The following DENND4C variants were observed in gnomAD, a reference collection of about 807,000 sequenced individuals.
DENND4C encodes DENN domain containing 4C, also known as DENN domain-containing protein 4C.
In DENND4C, 108 loss-of-function variants were observed where a neutral mutation model predicts 203.0. The observed-to-expected ratio is 0.53, with a 90% CI of 0.46 to 0.62. The LOEUF (loss-of-function observed/expected upper bound fraction) is 0.62. Ranked by LOEUF, DENND4C falls within the 20% of genes least tolerant of loss-of-function variation. DENND4C has a pLI of 0.00. For missense variants in DENND4C, 2,481 were observed against 2,301.2 expected, an observed-to-expected ratio of 1.08 and a Z score of -1.60; for synonymous variants, 871 against 792.4, an observed-to-expected ratio of 1.10 and a Z score of -1.67.
In DENND4C at chr9:19,346,818, C is replaced by G. The variant is rs1823005232; in HGVS notation, c.4049C>G (p.Ser1350Cys). 6.2e-7 allele frequency: 1 copy of G among 1,614,198 alleles called. No individual in the cohort carries two copies. The highest frequency in any genetic ancestry group is 8.5e-7 in the Non-Finnish European group (1 of 1,180,042). ...PESEKSSPAVSRSKTFTGRFK... is the reference protein window; with the variant it reads ...PESEKSSPAVCRSKTFTGRFK... ...AGTGAAAAGAGCTCACCTGCAGTGT[C>G]CAGGTCTAAAACTTTTACTGGGCGT... The change falls in exon 23 of 33, where the codon TCC becomes TGC. Residue 1350 changes from serine to cysteine, a missense_variant. Physicochemically the swap from Ser to Cys is moderately radical, Grantham distance 112. Transcript: ENST00000434457.
In DENND4C at chr9:19,372,025, A is replaced by C. The variant is rs1477225444; in HGVS notation, c.5741-12A>C. ...AACAAATTACAACTTCATTTTTGAA[A>C]ATTTCTTTCAGAGGCATTTGACAAT... On this transcript the variant is annotated splice_polypyrimidine_tract_variant and intron_variant, in intron 32 of 32. Transcript: ENST00000434457. 6.3e-6 allele frequency: 10 copies of C among 1,596,478 alleles called. No homozygotes were observed. The South Asian group carries it at 1.1e-4, about 18-fold the overall frequency.
chr9:19,242,230 T>G (rs568093551), intron 1 of DENND4C, among the ~76,000 whole-genome samples: 2 of 152,356 alleles, frequency 1.3e-5, no homozygotes, highest in African/African-American at 4.8e-5. Flanking sequence ...TTAAGGGTCC[T>G]TTACATCATT....
intron 10 of DENND4C, among the ~76,000 whole-genome samples, chr9:19,312,584 C>T (rs2131492155): frequency 6.6e-6 from 1 of 152,276 alleles, no homozygotes; most frequent in Non-Finnish European, 1.5e-5. Context: ...GGGAGCTGAG[C>T]AGACATGGAA....
chr9:19,290,890 T>G lies in DENND4C; in HGVS notation c.801+14T>G. On this transcript the variant is annotated intron_variant, in intron 5 of 32. Transcript: ENST00000434457. ...TCAGCCAAAAAGGTATGTTTTTGTC[T>G]CATTGATTAAACACATTTTGTCCAT... 1 of 1,606,202 alleles carries G rather than the reference T, an allele frequency of 6.2e-7. No individual in the cohort carries two copies. Among genetic ancestry groups the G allele is most frequent in the Non-Finnish European group, 8.5e-7 (1 of 1,176,132 alleles).
At chr9:19,289,504 C>G (rs1458839394) in intron 4 of DENND4C, among the ~76,000 whole-genome samples, 2 of 152,074 alleles carry the variant, frequency 1.3e-5, no homozygotes, top group African/African-American at 2.4e-5. Context: ...ATGGCAACGA[C>G]TAACGTATAA....
chr9:19,312,757 T>G (rs1840997369), intron 10 of DENND4C, among the ~76,000 whole-genome samples: 1 of 152,174 alleles, frequency 6.6e-6, no homozygotes, highest in Admixed American at 6.6e-5. Context: ...ACACTCAAGT[T>G]CAAAATGGTT....
intron 1 of DENND4C, among the ~76,000 whole-genome samples, chr9:19,235,406 C>G (rs1410007401): frequency 6.6e-6 from 1 of 152,188 alleles, no homozygotes; most frequent in Non-Finnish European, 1.5e-5. Context: ...GAGTGAAAAT[C>G]AAAATATAAA....
chr9:19,276,673 A>T, intron 2 of DENND4C, 194 bp downstream of exon 2: 1 of 377,622 alleles, frequency 2.6e-6, no homozygotes, highest in East Asian at 3.9e-5. Context: ...ATTTCTTTGC[A>T]TTGCCTTGAA....
intron 30 of DENND4C, among the ~76,000 whole-genome samples, chr9:19,368,024 T>G (rs566106347): frequency 6.6e-6 from 1 of 152,308 alleles, no homozygotes; most frequent in South Asian, 2.1e-4. Flanking sequence ...ATGAACATGT[T>G]CTAAAATTGA....
chr9:19,271,120 A>G (rs1240838886), intron 1 of DENND4C, among the ~76,000 whole-genome samples: 2 of 152,214 alleles, frequency 1.3e-5, no homozygotes, highest in Admixed American at 6.5e-5. Context: ...GGATTAGAAG[A>G]CTCAATAACC....
At chr9:19,284,179 G>T (rs1426871858) in intron 2 of DENND4C, among the ~76,000 whole-genome samples, 3 of 152,084 alleles carry the variant, frequency 2.0e-5, no homozygotes, top group African/African-American at 7.2e-5. Context: ...AGTGTGCCTA[G>T]CCTATTTCTT....
intron 1 of DENND4C, among the ~76,000 whole-genome samples, chr9:19,251,921 C>G (rs1424894076): frequency 4.6e-5 from 7 of 152,130 alleles, no homozygotes; most frequent in African/African-American, 1.7e-4. Flanking sequence ...CCACATTTTC[C>G]TCTCTCCTTC....
Position 19,336,771 on chromosome 9 carries a change from GCA to G in DENND4C, c.2825_2826del (p.Thr942SerfsTer10). The G allele has an allele frequency of 6.4e-7, 1 of 1,550,886 alleles. No homozygotes were observed. The highest frequency in any genetic ancestry group is 1.2e-5 in the South Asian group (1 of 84,062). Reference sequence around the variant, plus strand: ...GTTCTAATGATGCTAACAATGGGGAGCACACAGTCTTCGTCAGAGATTTAATC... The same window carrying G: ...GTTCTAATGATGCTAACAATGGGGAGCACAGTCTTCGTCAGAGATTTAATC... ...DSSNDANNGE[H>X]TVFVRDLIRL... On this transcript the variant is annotated frameshift_variant, in exon 20 of 33. Transcript: ENST00000434457. LOFTEE classifies it high-confidence loss of function.
Position 19,305,381 on chromosome 9 carries a change from A to T in DENND4C, c.1341A>T (p.Pro447=). 6.2e-7 allele frequency: 1 copy of T among 1,612,276 alleles called. No homozygotes were observed. Among genetic ancestry groups the T allele is most frequent in the Non-Finnish European group, 8.5e-7 (1 of 1,179,110 alleles). ...AMIFPFQWQC[P]YIPLCPLSLA... Reference sequence around the variant, plus strand: ...TCTTTCCATTTCAGTGGCAATGCCCATATATTCCCCTTTGTCCTCTTTCAC... The same window carrying T: ...TCTTTCCATTTCAGTGGCAATGCCCTTATATTCCCCTTTGTCCTCTTTCAC... The change falls in exon 10 of 33, where the codon CCA becomes CCT. Residue 447 remains proline, a synonymous_variant. Coordinates refer to ENST00000434457, the MANE Select transcript of DENND4C (RefSeq NM_001330640.2).
In DENND4C at chr9:19,274,173, G is replaced by A. The variant is rs186646453; in HGVS notation, c.-17-1985G>A. ...AGAGAAAAAAGAATACATACTGTAT[G>A]AGTCTACTTATTATATAAATTCTAG... On this transcript the variant is annotated intron_variant, in intron 1 of 32. Transcript: ENST00000434457. Among the ~76,000 whole-genome samples, 252 of 152,116 alleles carry A rather than the reference G, an allele frequency of 1.7e-3. 4 individuals carry two copies. Among genetic ancestry groups the A allele is most frequent in the African/African-American group, 4.7e-3 (193 of 41,402 alleles).
chr9:19,337,795 A>T (rs1489938303), intron 20 of DENND4C: 1 of 437,540 alleles, frequency 2.3e-6, no homozygotes, highest in Non-Finnish European at 4.0e-6. Context: ...TTTCTCCTTC[A>T]GATAAATGTA....
Position 19,316,616 on chromosome 9 carries a change from G to C in DENND4C, c.1589-5G>C, listed in dbSNP as rs990412770. 2.3e-5 allele frequency: 37 copies of C among 1,611,792 alleles called. No individual in the cohort carries two copies. Among genetic ancestry groups the C allele is most frequent in the Non-Finnish European group, 3.0e-5 (35 of 1,179,284 alleles). The stretch of plus-strand genomic sequence containing the variant: ...ACCATTTTCTGTTTTTATTTCCTTT[G>C]TTAGTTCACCAAAAAACTCAAGAAG... On this transcript the variant is annotated splice_region_variant and splice_polypyrimidine_tract_variant and intron_variant, in intron 11 of 32. Transcript: ENST00000434457.
intron 31 of DENND4C, chr9:19,370,215 T>G: frequency 2.0e-6 from 1 of 506,806 alleles, no homozygotes. Context: ...CCCAGCACTT[T>G]GGGTGGCCAA....
Position 19,304,073 on chromosome 9 carries a change from A to C in DENND4C, c.1312-1279A>C, listed in dbSNP as rs542865735. ...TAAAAAAAAAAAAAACCCACAAATG[A>C]TGCAATTGAAGTAAAGCTTTGTAAA... On this transcript the variant is annotated intron_variant, in intron 9 of 32. Coordinates refer to ENST00000434457, the MANE Select transcript of DENND4C (RefSeq NM_001330640.2). Among the ~76,000 whole-genome samples, 89 of 150,268 alleles carry C rather than the reference A, an allele frequency of 5.9e-4. 1 individual carries two copies. In the South Asian group the frequency reaches 0.018, roughly 30 times the overall value.
Sources: gnomAD v4.1 joint callset for allele counts (sites outside exome capture counted in the v4.1 genomes callset) on GRCh38, gnomAD v4.1.1 for gene constraint, MANE v1.5 for transcripts, NCBI Gene and HGNC (gene_info 2026-07-23, HGNC 2026-07-21) for gene names.